Variants in PDE4B observed in about 807,000 individuals in gnomAD.
PDE4B encodes phosphodiesterase 4B, also known as 3',5'-cyclic-AMP phosphodiesterase 4B.
A neutral mutation model predicts 82.2 loss-of-function variants in PDE4B; 20 were observed. The ratio of observed to expected loss-of-function variants is 0.24; its 90% CI spans 0.17 to 0.35. The LOEUF (loss-of-function observed/expected upper bound fraction) is 0.35, where lower values mean the gene tolerates loss of function less well. PDE4B is among the 10% of genes least tolerant of loss of function. PDE4B has a pLI of 1.00. For missense variants in PDE4B, 655 were observed against 907.2 expected (o/e 0.72, Z 3.57); for synonymous variants, 320 against 318.9 (o/e 1.00, Z -0.04).
At chr1:65,932,180 G>A (rs543535419) in intron 3 of PDE4B, among the ~76,000 whole-genome samples, 1 of 151,604 alleles carries the variant, frequency 6.6e-6, no homozygotes, top group South Asian at 2.1e-4. Flanking sequence ...CAAATATGGT[G>A]GTTTGATCTA....
intron 3 of PDE4B, among the ~76,000 whole-genome samples, chr1:66,160,812 T>C (rs1043042570): frequency 3.3e-5 from 5 of 152,224 alleles, no homozygotes; most frequent in African/African-American, 1.2e-4. Flanking sequence ...GATCTAATTA[T>C]ACTGACTGTG....
At chr1:65,847,483 TA>T (rs1282706656) in intron 1 of PDE4B, among the ~76,000 whole-genome samples, 35 of 152,216 alleles carry the variant, frequency 2.3e-4, no homozygotes, top group African/African-American at 8.4e-4. Flanking sequence ...TTCAGATCTT[TA>T]TTTAATACAA....
At chr1:66,207,657 GA>G (rs1272517020) in intron 3 of PDE4B, among the ~76,000 whole-genome samples, 4 of 152,194 alleles carry the variant, frequency 2.6e-5, no homozygotes, top group Middle Eastern at 3.4e-3. Flanking sequence ...ACACAAAGGG[GA>G]AAAAAACTAT....
At chr1:66,166,508 G>T (rs1193289219) in intron 3 of PDE4B, among the ~76,000 whole-genome samples, 1 of 152,124 alleles carries the variant, frequency 6.6e-6, no homozygotes, top group African/African-American at 2.4e-5. Context: ...GGCCGAGGTG[G>T]GCAGATCACG....
chr1:65,952,409 G>A (rs1569798571), intron 3 of PDE4B, among the ~76,000 whole-genome samples: 1 of 152,100 alleles, frequency 6.6e-6, no homozygotes, highest in African/African-American at 2.4e-5. Flanking sequence ...GGCCAGGCGC[G>A]ATGGCTCATG....
intron 7 of PDE4B, among the ~76,000 whole-genome samples, chr1:66,328,314 A>G (rs1326746949): frequency 6.6e-6 from 1 of 152,160 alleles, no homozygotes; most frequent in East Asian, 1.9e-4. Flanking sequence ...GAAGTTTTTG[A>G]AAGCGAAGTT....
chr1:66,348,862 T>G (rs1384332167), intron 8 of PDE4B, among the ~76,000 whole-genome samples: 2 of 152,090 alleles, frequency 1.3e-5, no homozygotes, highest in Non-Finnish European at 2.9e-5. Flanking sequence ...CAGTATCTTT[T>G]GTCCATTTGA....
chr1:65,931,655 C>T (rs918973832), intron 3 of PDE4B, among the ~76,000 whole-genome samples: 6 of 152,214 alleles, frequency 3.9e-5, no homozygotes, highest in African/African-American at 1.4e-4. Flanking sequence ...GACAAATTCT[C>T]TTACTGAGAA....
intron 8 of PDE4B, among the ~76,000 whole-genome samples, chr1:66,341,247 AG>A (rs1427981068): frequency 6.6e-6 from 1 of 152,326 alleles, no homozygotes; most frequent in Non-Finnish European, 1.5e-5. Flanking sequence ...ACTTCTCCAA[AG>A]TCTTAAGGTG....
chr1:66,196,177 C>T (rs1213955666), intron 3 of PDE4B, among the ~76,000 whole-genome samples: 3 of 152,190 alleles, frequency 2.0e-5, no homozygotes, highest in African/African-American at 7.2e-5. Context: ...ATTGACTAGC[C>T]TGCCAAGGGC....
rs991839252 is a variant in PDE4B at position 65,917,967 on chromosome 1, C to A, written c.43-630C>A. 2.0e-5 allele frequency among the ~76,000 whole-genome samples: 3 copies of A among 152,168 alleles called. No homozygotes were observed. The East Asian group carries it at 5.8e-4, about 29-fold the overall frequency. ...TCACCTGAGGTCAGGAGTTTGAGAC[C>A]AGCCTGGCCAACATGGCGAAACCCC... On this transcript the variant is annotated intron_variant, in intron 2 of 16. Transcript: ENST00000341517.
chr1:65,843,411 C>A (rs1210709790), intron 1 of PDE4B, among the ~76,000 whole-genome samples: 1 of 152,162 alleles, frequency 6.6e-6, no homozygotes, highest in East Asian at 1.9e-4. Context: ...CAAGGTACAG[C>A]TGTTAAGAGA....
chr1:65,902,758 T>A (rs1409739122), intron 1 of PDE4B, among the ~76,000 whole-genome samples: 1 of 152,198 alleles, frequency 6.6e-6, no homozygotes, highest in Non-Finnish European at 1.5e-5. Flanking sequence ...AATGCCCAAG[T>A]ACATGACTAT....
intron 3 of PDE4B, among the ~76,000 whole-genome samples, chr1:65,961,441 T>A (rs1207192800): frequency 1.3e-5 from 2 of 152,182 alleles, no homozygotes; most frequent in Non-Finnish European, 2.9e-5. Context: ...AGAGACGATA[T>A]CTATTATAAT....
intron 3 of PDE4B, among the ~76,000 whole-genome samples, chr1:66,141,607 C>G (rs1047432825): frequency 4.0e-5 from 6 of 151,830 alleles, no homozygotes; most frequent in African/African-American, 1.5e-4. Context: ...CTCAGAAAGC[C>G]TCAGAAAGTT....
At chr1:66,155,767 A>G (rs1343608716) in intron 3 of PDE4B, among the ~76,000 whole-genome samples, 1 of 152,140 alleles carries the variant, frequency 6.6e-6, no homozygotes, top group Admixed American at 6.5e-5. Flanking sequence ...TTTCCTTCTA[A>G]CTTGCCCTCA....
At chr1:66,336,606 G>A (rs138237521) in intron 8 of PDE4B, among the ~76,000 whole-genome samples, 6 of 152,210 alleles carry the variant, frequency 3.9e-5, no homozygotes, top group Admixed American at 6.5e-5. Context: ...GCTGCTGGGT[G>A]AAAATGGATA....
At chr1:66,018,732 A>G (rs966039118) in intron 3 of PDE4B, among the ~76,000 whole-genome samples, 3 of 152,204 alleles carry the variant, frequency 2.0e-5, no homozygotes, top group Admixed American at 1.3e-4. Flanking sequence ...AAGAATGTCT[A>G]TGGATACAAT....
At chr1:66,001,946 C>T (rs1651888098) in intron 3 of PDE4B, among the ~76,000 whole-genome samples, 1 of 152,040 alleles carries the variant, frequency 6.6e-6, no homozygotes. Flanking sequence ...TGGTCTAGAC[C>T]TCCTGGGCTC....
Sources: gnomAD v4.1 joint callset for allele counts (sites outside exome capture counted in the v4.1 genomes callset) on GRCh38, gnomAD v4.1.1 for gene constraint, MANE v1.5 for transcripts, NCBI Gene and HGNC (gene_info 2026-07-23, HGNC 2026-07-21) for gene names.